PUM2: variants seen among roughly 807,000 people sequenced by gnomAD.
PUM2 encodes pumilio RNA binding family member 2, also known as pumilio homolog 2.
A neutral mutation model predicts 124.5 loss-of-function variants in PUM2; 57 were observed. The observed-to-expected ratio is 0.46, with a 90% CI of 0.37 to 0.57. The LOEUF (loss-of-function observed/expected upper bound fraction) is 0.57, where lower values mean the gene tolerates loss of function less well. Among genes scored for constraint, PUM2 ranks in the 20% least tolerant of loss-of-function variants. PUM2 has a pLI of 0.00. For missense variants in PUM2, 1,065 were observed against 1,290.6 expected, an observed-to-expected ratio of 0.83 and a Z score of 2.68; for synonymous variants, 460 against 446.1, an observed-to-expected ratio of 1.03 and a Z score of -0.39.
rs745368178 is a variant in PUM2 at position 20,318,574 on chromosome 2, C to G, written c.123G>C (p.Gly41=). ...TKDGQKGIFL[G]DDEWRETAWG... is the part of the protein sequence containing the mutation. ...ATGCAGTCTCTCTCCATTCATCATC[C>G]CCAAGAAATATGCCTTTTTGTCCAT... Residue 41 remains glycine, a synonymous_variant, in exon 3 of 21, where the codon GGG becomes GGC. Transcript: ENST00000361078. The G allele has an allele frequency of 2.5e-6, 4 of 1,613,498 alleles. No individual in the cohort carries two copies. Among genetic ancestry groups the G allele is most frequent in the East Asian group, 4.5e-5 (2 of 44,850 alleles).
At chr2:20,350,907 A>C (rs1209001573), upstream of PUM2, 2 of 500,418 alleles carry the variant, frequency 4.0e-6, no homozygotes, top group East Asian at 1.7e-4. Flanking sequence ...AGCGCTCACC[A>C]AGGCGCGGCT....
At chr2:20,326,530 A>T (rs1354813169) in intron 2 of PUM2, 4 of 612,162 alleles carry the variant, frequency 6.5e-6, no homozygotes, top group Non-Finnish European at 9.8e-6. Context: ...CGTTAGTAGT[A>T]CAGAACATGA....
intron 1 of PUM2, 77 bp from the exon 2 acceptor site, chr2:20,327,455 G>T: frequency 1.1e-6 from 1 of 891,390 alleles, no homozygotes; most frequent in Non-Finnish European, 1.7e-6. Context: ...ATATTATATT[G>T]CTGCTATGAC....
intron 5 of PUM2, among the ~76,000 whole-genome samples, chr2:20,309,079 A>G (rs928147388): frequency 6.6e-6 from 1 of 152,210 alleles, no homozygotes; most frequent in Non-Finnish European, 1.5e-5. Flanking sequence ...ATAAGAGATC[A>G]TAATGGTCTT....
At position 20,297,627 on chromosome 2, in the gene PUM2, T is replaced by C; in HGVS notation, c.935A>G (p.Tyr312Cys). The C allele has an allele frequency of 1.2e-6, 2 of 1,613,254 alleles. No homozygotes were observed. Among genetic ancestry groups the C allele is most frequent in the Non-Finnish European group, 1.7e-6 (2 of 1,179,180 alleles). The change falls in exon 8 of 21, where the codon TAC (tyrosine) becomes TGC (cysteine). Residue 312 changes from tyrosine to cysteine, a missense_variant. Tyr to Cys is a radical substitution (Grantham distance 194). Around this residue, in one of 3 missense-constraint regions of PUM2, gnomAD observed 968 missense variants for 1,159.8 expected, o/e 0.83. Coordinates refer to ENST00000361078, the MANE Select transcript of PUM2 (RefSeq NM_015317.5). The part of the protein sequence containing the change: ...LAPAAFVPNP[Y>C]IISAAPPGTD... ...CCCTGGAGGAGCAGCACTAATAATG[T>C]ATGGATTTGGCACAAATGCAGCTGG...
At chr2:20,323,345 G>C (rs1682836702) in intron 2 of PUM2, among the ~76,000 whole-genome samples, 1 of 151,890 alleles carries the variant, frequency 6.6e-6, no homozygotes, top group African/African-American at 2.4e-5. Context: ...CTACTCGGGA[G>C]GCTGAGGCAG....
intron 5 of PUM2, 88 bp from the exon 6 acceptor site, chr2:20,308,672 T>C: frequency 7.5e-7 from 1 of 1,333,174 alleles, no homozygotes; most frequent in Non-Finnish European, 1.0e-6. Flanking sequence ...GAAAAACAAA[T>C]GGTCATAAAA....
chr2:20,308,167 G>A, intron 6 of PUM2, 96 bp from the exon 7 acceptor site: 2 of 1,496,250 alleles, frequency 1.3e-6, no homozygotes, highest in Non-Finnish European at 1.8e-6. Context: ...TTTTCTTTGG[G>A]AGGACTTTCT....
chr2:20,310,800 A>C (rs931089738), intron 5 of PUM2, among the ~76,000 whole-genome samples: 3 of 152,038 alleles, frequency 2.0e-5, no homozygotes, highest in African/African-American at 4.8e-5. Flanking sequence ...CATTATTGAA[A>C]TACTACAGAA....
Position 20,258,254 on chromosome 2 carries a change from A to G in PUM2, c.2473T>C (p.Ser825Pro). Residue 825 changes from serine to proline, a missense_variant, in exon 16 of 21, where the codon TCT (serine) becomes CCT (proline). By Grantham distance (74) the Ser-to-Pro change is moderately conservative. Coordinates refer to ENST00000361078, the MANE Select transcript of PUM2 (RefSeq NM_015317.5). ...VIQKALESIS[S>P]DQQSEMVKEL... ...TAACTTACAATTACCTGCTGGTCAG[A>G]AGAAATAGATTCTAATGCTTTCTGA... 1 of 1,598,944 alleles carries G rather than the reference A, an allele frequency of 6.3e-7. No individual in the cohort carries two copies. Among genetic ancestry groups the G allele is most frequent in the Non-Finnish European group, 8.5e-7 (1 of 1,171,248 alleles).
intron 1 of PUM2, among the ~76,000 whole-genome samples, chr2:20,328,081 T>C (rs1179659728): frequency 6.6e-6 from 1 of 152,138 alleles, no homozygotes; most frequent in Non-Finnish European, 1.5e-5. Context: ...ACGACTATAA[T>C]CTCAGCACTT....
In PUM2 at chr2:20,253,904, A is replaced by G; in HGVS notation, c.2981T>C (p.Met994Thr). The change falls in exon 20 of 21, where the codon ATG becomes ACG. Residue 994 changes from methionine to threonine, a missense_variant. Met to Thr is a moderately conservative substitution (Grantham distance 81). Transcript: ENST00000361078. ...DGPHSALYTM[M>T]KDQYANYVVQ... ...CACGTAATTGGCATACTGGTCCTTC[A>G]TCATGGTGTATAAGGCACTGTGAGG... 1 of 1,613,978 alleles carries G rather than the reference A, an allele frequency of 6.2e-7. No individual in the cohort carries two copies. Among genetic ancestry groups the G allele is most frequent in the Non-Finnish European group, 8.5e-7 (1 of 1,179,848 alleles).
chr2:20,298,216 T>C (rs769855176), intron 7 of PUM2, among the ~76,000 whole-genome samples: 1 of 152,116 alleles, frequency 6.6e-6, no homozygotes, highest in Non-Finnish European at 1.5e-5. Context: ...AGGAGGAACA[T>C]CTAATAAACT....
rs1417022720 is a variant in PUM2 at position 20,251,688 on chromosome 2, T to C, written c.3092A>G (p.Lys1031Arg). ...CAGTATATGCTTCCCGTATGTGTAT[T>C]TGCGCAAAGTAGTAATGTGAGGTCG... is the stretch of plus-strand genomic sequence containing the variant. ...KIRPHITTLR[K>R]YTYGKHILAK... The change falls in exon 21 of 21, where the codon AAA (lysine) becomes AGA (arginine). Residue 1031 changes from lysine to arginine, a missense_variant. This residue lies in a region of PUM2 where 968 missense variants were observed against 1,159.8 expected (regional missense o/e 0.83). Transcript: ENST00000361078. 1 of 1,613,654 alleles carries C rather than the reference T, an allele frequency of 6.2e-7. No individual in the cohort carries two copies. Among genetic ancestry groups the C allele is most frequent in the Non-Finnish European group, 8.5e-7 (1 of 1,179,632 alleles).
chr2:20,308,611 A>G (rs1678904716), intron 5 of PUM2, 27 bp from the exon 6 acceptor site: 2 of 1,564,072 alleles, frequency 1.3e-6, no homozygotes, highest in South Asian at 1.2e-5. Flanking sequence ...GAAAAGCATT[A>G]TGAATAAAAG....
chr2:20,340,209 A>G (rs968541483), intron 1 of PUM2, among the ~76,000 whole-genome samples: 11 of 152,256 alleles, frequency 7.2e-5, no homozygotes, highest in African/African-American at 2.7e-4. Flanking sequence ...TACTGTTGAT[A>G]TGAATACAGA....
At chr2:20,339,162 T>G (rs1686716719) in intron 1 of PUM2, among the ~76,000 whole-genome samples, 1 of 151,972 alleles carries the variant, frequency 6.6e-6, no homozygotes, top group Non-Finnish European at 1.5e-5. Context: ...TGAGCAAGAC[T>G]AGATTTTTCC....
chr2:20,293,808 T>C (rs1290937079), intron 9 of PUM2, among the ~76,000 whole-genome samples: 2 of 152,152 alleles, frequency 1.3e-5, no homozygotes, highest in Non-Finnish European at 2.9e-5. Flanking sequence ...TCGGTATAAA[T>C]ACAATGAATG....
rs570310495 is a variant in PUM2 at position 20,333,462 on chromosome 2, A to T, written c.-18-6084T>A. ...GATGAGAGGATCGCTTGAGCCCAGG[A>T]GGTTGAGGGTGCAGTGAGCCATGGC... On this transcript the variant is annotated intron_variant, in intron 1 of 20. Coordinates refer to ENST00000361078, the MANE Select transcript of PUM2 (RefSeq NM_015317.5). 1.6e-3 allele frequency among the ~76,000 whole-genome samples: 246 copies of T among 152,196 alleles called. 2 individuals carry two copies. Among genetic ancestry groups the T allele is most frequent in the African/African-American group, 5.8e-3 (241 of 41,546 alleles).
Sources: gnomAD v4.1 joint callset for allele counts (sites outside exome capture counted in the v4.1 genomes callset) on GRCh38, gnomAD v4.1.1 for gene constraint, gnomAD v4.1.1 regional missense constraint, MANE v1.5 for transcripts, NCBI Gene and HGNC (gene_info 2026-07-23, HGNC 2026-07-21) for gene names.